The following C12orf54 variants were observed in gnomAD, a reference collection of about 807,000 sequenced individuals.
The protein encoded by C12orf54 is uncharacterized protein C12orf54.
C12orf54 carries 24 observed loss-of-function variants against 26.4 expected under a neutral mutation model. That is an observed-to-expected ratio of 0.91 (90% CI 0.66 to 1.28). The LOEUF (loss-of-function observed/expected upper bound fraction) is 1.28. Among genes scored for constraint, C12orf54 ranks in the 50% most tolerant of loss-of-function variants. The pLI is 0.00. For synonymous variants in C12orf54, 54 were observed against 47.0 expected (o/e 1.15, Z -0.61); for missense variants, 154 against 150.9 (o/e 1.02, Z -0.11).
At chr12:48,450,267 G>A in the C12orf54 span, among the ~76,000 whole-genome samples, 1 of 152,138 alleles carries the variant, frequency 6.6e-6, no homozygotes, top group African/African-American at 2.4e-5. Flanking sequence ...CAGAAATCAA[G>A]AAGTCTTTTG....
the C12orf54 span, chr12:48,417,047 A>G: frequency 6.6e-6 from 1 of 152,212 alleles, no homozygotes; most frequent in African/African-American, 2.4e-5. Context: ...CAACTCCTCA[A>G]TCTTGGATTC....
upstream of C12orf54, among the ~76,000 whole-genome samples, chr12:48,478,769 TCAC>T (rs1954170027): frequency 6.6e-6 from 1 of 152,162 alleles, no homozygotes; most frequent in African/African-American, 2.4e-5. Flanking sequence ...GAAAAAATGC[TCAC>T]CATCACTGTG....
the C12orf54 span, among the ~76,000 whole-genome samples, chr12:48,476,263 A>G: frequency 1.3e-5 from 2 of 152,236 alleles, no homozygotes; most frequent in African/African-American, 4.8e-5. Flanking sequence ...CATAGAAAGG[A>G]ACAACCAGTA....
chr12:48,477,001 G>C, the C12orf54 span, among the ~76,000 whole-genome samples: 1 of 152,134 alleles, frequency 6.6e-6, no homozygotes. Flanking sequence ...TGGAAGTAAA[G>C]CACTCCTCAG....
the C12orf54 span, among the ~76,000 whole-genome samples, chr12:48,433,903 TGGACAGTGGGTGCA>T: frequency 1.3e-5 from 2 of 152,156 alleles, no homozygotes; most frequent in African/African-American, 2.4e-5. Flanking sequence ...TGAGGCTTGT[TGGACAGTGGGTGCA>T]GGACAGTGGG....
chr12:48,416,956 G>A, the C12orf54 span, among the ~76,000 whole-genome samples: 5 of 152,080 alleles, frequency 3.3e-5, no homozygotes, highest in Non-Finnish European at 7.4e-5. Context: ...GATGAGTTTG[G>A]TATGATCTCC....
At chr12:48,479,603 GT>G (rs201487358), upstream of C12orf54, among the ~76,000 whole-genome samples, 62 of 145,648 alleles carry the variant, frequency 4.3e-4, no homozygotes, top group African/African-American at 1.1e-3. Context: ...GTTTTGTTTT[GT>G]TTTTTTTTTT....
At chr12:48,474,259 G>A in the C12orf54 span, among the ~76,000 whole-genome samples, 2 of 152,200 alleles carry the variant, frequency 1.3e-5, no homozygotes, top group African/African-American at 4.8e-5. Context: ...GGAGCCAGGT[G>A]GAGGAGCCAA....
At chr12:48,429,606 C>A in the C12orf54 span, among the ~76,000 whole-genome samples, 1 of 151,776 alleles carries the variant, frequency 6.6e-6, no homozygotes, top group African/African-American at 2.4e-5. Context: ...TATACCTAAC[C>A]AAGAAGGTGA....
the C12orf54 span, among the ~76,000 whole-genome samples, chr12:48,471,842 A>G: frequency 6.6e-6 from 1 of 152,124 alleles, no homozygotes. Flanking sequence ...TTTTGGTTCC[A>G]CGTGAATTCA....
At chr12:48,470,485 G>C in the C12orf54 span, among the ~76,000 whole-genome samples, 1 of 152,140 alleles carries the variant, frequency 6.6e-6, no homozygotes, top group African/African-American at 2.4e-5. Context: ...TTCGAGAAGT[G>C]TCTGTTCATG....
chr12:48,473,189 T>G, the C12orf54 span: 138 of 1,384,834 alleles, frequency 1.0e-4, 1 homozygote, highest in Middle Eastern at 1.8e-4. Flanking sequence ...AGGATGAGGA[T>G]GAGGAGGAGT....
At chr12:48,466,672 T>C in the C12orf54 span, among the ~76,000 whole-genome samples, 1 of 152,080 alleles carries the variant, frequency 6.6e-6, no homozygotes, top group South Asian at 2.1e-4. Context: ...TTAGAAATAA[T>C]GTCCATACCA....
intron 4 of C12orf54, among the ~76,000 whole-genome samples, chr12:48,487,490 G>C (rs555438005): frequency 2.6e-4 from 39 of 152,184 alleles, no homozygotes; most frequent in Non-Finnish European, 4.9e-4. Context: ...CTTTACATAA[G>C]GAAATAATCT....
upstream of C12orf54, among the ~76,000 whole-genome samples, chr12:48,478,747 C>A (rs528660959): frequency 4.5e-3 from 683 of 152,124 alleles, 4 homozygotes; most frequent in African/African-American, 0.016. Flanking sequence ...TTTATGCAGC[C>A]AAAAAACACA....
At position 48,495,574 on chromosome 12, in the gene C12orf54, C is replaced by G. The variant is rs559689744; in HGVS notation, c.*40+595C>G. On this transcript the variant is annotated intron_variant, in intron 8 of 8. Coordinates refer to ENST00000548364, the MANE Select transcript of C12orf54 (RefSeq NM_152319.4). Reference sequence around the variant, plus strand: ...TAGGCTCATCTGACACCTAACCCACCTGGAGAAGAAGACTGTCTCAGGTGC... The same window carrying G: ...TAGGCTCATCTGACACCTAACCCACGTGGAGAAGAAGACTGTCTCAGGTGC... 5 of 152,730 alleles carry G rather than the reference C, an allele frequency of 3.3e-5. No homozygotes were observed. In the East Asian group the frequency reaches 9.7e-4, roughly 30 times the overall value. 9.5% of individuals were successfully genotyped at this position (152,730 alleles called of 1,614,324 possible). A position where few individuals can be genotyped will look rare whatever the true frequency, so the allele number is the denominator to read the frequency against.
chr12:48,472,530 G>T, the C12orf54 span: 4 of 963,712 alleles, frequency 4.2e-6, no homozygotes, highest in East Asian at 2.6e-5. Context: ...TAGATTTTGG[G>T]TGTGTTTGGA....
chr12:48,480,518 A>C (rs1435299809), upstream of C12orf54, among the ~76,000 whole-genome samples: 1 of 152,208 alleles, frequency 6.6e-6, no homozygotes. Context: ...ATACAAATCA[A>C]AATCACAATG....
the C12orf54 span, among the ~76,000 whole-genome samples, chr12:48,415,944 T>C: frequency 2.0e-5 from 3 of 152,198 alleles, no homozygotes; most frequent in African/African-American, 7.2e-5. Context: ...TATCCTGACT[T>C]CAGTAAATGA....
Sources: allele counts gnomAD v4.1 joint callset (sites outside exome capture counted in the v4.1 genomes callset), GRCh38; gene constraint gnomAD v4.1.1; transcripts MANE v1.5; gene names NCBI Gene and HGNC (gene_info 2026-07-23, HGNC 2026-07-21).